OSBPL9: variants seen among roughly 807,000 people sequenced by gnomAD.
The protein encoded by OSBPL9 is oxysterol-binding protein-related protein 9.
A neutral mutation model predicts 106.6 loss-of-function variants in OSBPL9; 40 were observed. The observed-to-expected ratio is 0.38, with a 90% CI of 0.29 to 0.49. The LOEUF is 0.49. Ranked by LOEUF, OSBPL9 falls within the 20% of genes least tolerant of loss-of-function variation. OSBPL9 has a pLI of 0.97. For synonymous variants in OSBPL9, 269 were observed against 295.4 expected (o/e 0.91, Z 0.92); for missense variants, 609 against 887.2 (o/e 0.69, Z 3.98).
intron 2 of OSBPL9, among the ~76,000 whole-genome samples, chr1:51,611,258 AC>A (rs1312943332): frequency 6.6e-6 from 1 of 151,964 alleles, no homozygotes; most frequent in Non-Finnish European, 1.5e-5. Flanking sequence ...AAAAAAAAAA[AC>A]AGGACTGTGA....
upstream of OSBPL9, among the ~76,000 whole-genome samples, chr1:51,614,978 C>T (rs1030438256): frequency 3.3e-5 from 5 of 152,110 alleles, no homozygotes; most frequent in Non-Finnish European, 5.9e-5. Context: ...GTAGAAACTC[C>T]GCCCAGCGCA....
chr1:51,645,326 T>C (rs910354743), intron 1 of OSBPL9, among the ~76,000 whole-genome samples: 4 of 152,196 alleles, frequency 2.6e-5, no homozygotes, highest in Admixed American at 2.6e-4. Context: ...CCTTTGCCCA[T>C]TTTTAAATTG....
At chr1:51,527,892 C>T in the OSBPL9 span, among the ~76,000 whole-genome samples, 2 of 151,226 alleles carry the variant, frequency 1.3e-5, no homozygotes, top group African/African-American at 2.4e-5. Context: ...GCAAGCAGAG[C>T]ACTTGAGGTC....
intron 1 of OSBPL9, among the ~76,000 whole-genome samples, chr1:51,623,014 T>C (rs979952485): frequency 6.6e-6 from 1 of 152,124 alleles, no homozygotes; most frequent in Non-Finnish European, 1.5e-5. Context: ...ACTAGAAGAA[T>C]GTGGCAGTCA....
chr1:51,697,600 T>A (rs952439641), intron 3 of OSBPL9, among the ~76,000 whole-genome samples: 4 of 151,504 alleles, frequency 2.6e-5, no homozygotes, highest in Non-Finnish European at 4.4e-5. Flanking sequence ...AAGCAGTGGA[T>A]CAGGAATGGT....
chr1:51,536,627 C>G, the OSBPL9 span, among the ~76,000 whole-genome samples: 1 of 152,134 alleles, frequency 6.6e-6, no homozygotes, highest in East Asian at 1.9e-4. Flanking sequence ...CCTGTTATAA[C>G]TCTTTAGTGT....
intron 1 of OSBPL9, among the ~76,000 whole-genome samples, chr1:51,619,836 A>T (rs1032764953): frequency 1.3e-5 from 2 of 152,236 alleles, no homozygotes; most frequent in Non-Finnish European, 2.9e-5. Flanking sequence ...CATGTGGCTA[A>T]TAACTTGGAG....
chr1:51,750,088 C>A, intron 7 of OSBPL9, 57 bp from the exon 8 acceptor site: 1 of 1,242,838 alleles, frequency 8.0e-7, no homozygotes, highest in Non-Finnish European at 1.2e-6. Flanking sequence ...TAAGCTTTAA[C>A]ATTATATATC....
chr1:51,567,783 TTCTC>T, the OSBPL9 span: 1 of 152,216 alleles, frequency 6.6e-6, no homozygotes, highest in Admixed American at 6.5e-5. Context: ...CTCATGGTAT[TTCTC>T]TCAGTAATGA....
chr1:51,625,000 G>A (rs531493451), intron 1 of OSBPL9, among the ~76,000 whole-genome samples: 1 of 152,310 alleles, frequency 6.6e-6, no homozygotes, highest in Non-Finnish European at 1.5e-5. Flanking sequence ...AAGGCTGTTT[G>A]GAATTCTTGT....
intron 2 of OSBPL9, among the ~76,000 whole-genome samples, chr1:51,665,539 G>A (rs1362395264): frequency 1.3e-5 from 2 of 152,118 alleles, no homozygotes; most frequent in Non-Finnish European, 2.9e-5. Context: ...GTGGATGTAG[G>A]GTTTTTGTCA....
At chr1:51,590,635 A>C (rs905940737) in intron 1 of OSBPL9, among the ~76,000 whole-genome samples, 1 of 150,356 alleles carries the variant, frequency 6.7e-6, no homozygotes, top group Non-Finnish European at 1.5e-5. Flanking sequence ...AAAAAAAAAA[A>C]GAAAAAAAAG....
At chr1:51,742,128 C>T (rs950165884) in intron 4 of OSBPL9, among the ~76,000 whole-genome samples, 9 of 152,180 alleles carry the variant, frequency 5.9e-5, no homozygotes, top group Admixed American at 5.9e-4. Flanking sequence ...GTTCATTTAA[C>T]ACTGAGCTGG....
At chr1:51,661,318 TTTTG>T (rs1647135204) in intron 2 of OSBPL9, among the ~76,000 whole-genome samples, 2 of 152,210 alleles carry the variant, frequency 1.3e-5, no homozygotes, top group Admixed American at 1.3e-4. Context: ...ATAGCCAGAA[TTTTG>T]TTTCTCTTTT....
At chr1:51,622,122 G>T (rs1644475256) in intron 1 of OSBPL9, among the ~76,000 whole-genome samples, 1 of 152,122 alleles carries the variant, frequency 6.6e-6, no homozygotes, top group Non-Finnish European at 1.5e-5. Context: ...AGAGTCTGAA[G>T]ACATCCAGGT....
chr1:51,600,082 G>T (rs1264825993), intron 2 of OSBPL9, among the ~76,000 whole-genome samples: 1 of 152,154 alleles, frequency 6.6e-6, no homozygotes, highest in African/African-American at 2.4e-5. Context: ...ACCTCCCAAA[G>T]GCCCCATTTC....
At chr1:51,527,594 AT>A in the OSBPL9 span, among the ~76,000 whole-genome samples, 8 of 151,660 alleles carry the variant, frequency 5.3e-5, no homozygotes, top group African/African-American at 1.9e-4. Context: ...GGGTCTCACT[AT>A]GTTGCCCAGG....
intron 3 of OSBPL9, among the ~76,000 whole-genome samples, chr1:51,670,864 G>A (rs563845560): frequency 1.3e-5 from 2 of 152,284 alleles, no homozygotes; most frequent in African/African-American, 4.8e-5. Context: ...GAATGAAGTT[G>A]AATATTTTAA....
At chr1:51,518,917 C>T in the OSBPL9 span, among the ~76,000 whole-genome samples, 1 of 151,482 alleles carries the variant, frequency 6.6e-6, no homozygotes, top group Non-Finnish European at 1.5e-5. Context: ...GGCCGGGTCA[C>T]AGTCCACTCG....
Sources: allele counts gnomAD v4.1 joint callset (sites outside exome capture counted in the v4.1 genomes callset), GRCh38; gene constraint gnomAD v4.1.1; transcripts MANE v1.5; gene names NCBI Gene and HGNC (gene_info 2026-07-23, HGNC 2026-07-21).